Variants in PHKG2 observed in about 807,000 individuals in gnomAD.
The protein encoded by PHKG2 is phosphorylase b kinase gamma catalytic chain, liver/testis isoform.
A neutral mutation model predicts 44.5 loss-of-function variants in PHKG2; 28 were observed. The ratio of observed to expected loss-of-function variants is 0.63; its 90% CI spans 0.47 to 0.86. PHKG2 has a LOEUF of 0.86. PHKG2 is among the 40% of genes least tolerant of loss of function. The pLI is 0.00. For missense variants in PHKG2, 498 were observed against 547.5 expected (o/e 0.91, Z 0.90); for synonymous variants, 220 against 211.2 (o/e 1.04, Z -0.36).
At position 30,758,500 on chromosome 16, in the gene PHKG2, G is replaced by A. The variant is rs745402254; in HGVS notation, c.*1403G>A. On this transcript the variant is annotated 3_prime_UTR_variant, in exon 10 of 10. Transcript: ENST00000563588. Reference sequence around the variant, plus strand: ...CCCATCATATAGGTTTTAAGCCACCGTCATTGGCTTTCTAATGATCATTTC... The same window carrying A: ...CCCATCATATAGGTTTTAAGCCACCATCATTGGCTTTCTAATGATCATTTC... 4 of 187,926 alleles carry A rather than the reference G, an allele frequency of 2.1e-5. No homozygotes were observed. The highest frequency in any genetic ancestry group is 9.1e-5 in the South Asian group (1 of 10,966). The allele number at this position is 187,926 out of a possible 1,614,324, so 11.6% of individuals were successfully genotyped here.
At chr16:30,750,652 C>T (rs1241018429) in intron 2 of PHKG2, among the ~76,000 whole-genome samples, 1 of 152,212 alleles carries the variant, frequency 6.6e-6, no homozygotes, top group South Asian at 2.1e-4. Context: ...GCACTAAGAT[C>T]TAATTTTCAG....
rs546197463 is a variant in PHKG2 at position 30,760,960 on chromosome 16, A to G, written c.*3863A>G. 23 of 612,610 alleles carry G rather than the reference A, an allele frequency of 3.8e-5. No individual in the cohort carries two copies. The South Asian group carries it at 4.4e-4, about 12-fold the overall frequency. The allele number at this position is 612,610 out of a possible 1,614,324, so 37.9% of individuals were successfully genotyped here. A position where few individuals can be genotyped will look rare whatever the true frequency, so the allele number is the denominator to read the frequency against. On this transcript the variant is annotated 3_prime_UTR_variant, in exon 10 of 10. Coordinates refer to ENST00000563588, the MANE Select transcript of PHKG2 (RefSeq NM_000294.3). ...GGCCCTCAGTGTCCCCCTCTGTACA[A>G]TACTCCTTAGCGGCCATGAGACTCC...
chr16:30,749,093 GCTGCTGC>G lies in PHKG2; in HGVS notation c.95+179_95+185del, dbSNP rs1567259507. Among the ~76,000 whole-genome samples, 13 of 50,632 alleles carry G rather than the reference GCTGCTGC, an allele frequency of 2.6e-4. 2 individuals carry two copies. Among genetic ancestry groups the G allele is most frequent in the African/African-American group, 6.1e-4 (9 of 14,732 alleles). 33.2% of individuals were successfully genotyped at this position (50,632 alleles called of 152,430 possible). ...TGGTGGTGGTGGTGGTGGTGGTGCT[GCTGCTGC>G]TGCTGCTGCTGGTGGTGCTGGTGCT... On this transcript the variant is annotated intron_variant, in intron 2 of 9. Transcript: ENST00000563588.
At chr16:30,753,179 T>C in intron 4 of PHKG2, 53 bp from the exon 5 acceptor site, 1 of 1,407,308 alleles carries the variant, frequency 7.1e-7, no homozygotes, top group Non-Finnish European at 1.0e-6. Context: ...TGGTCTGTTT[T>C]CTCAGCCCCC....
chr16:30,760,592 C>T lies in PHKG2; in HGVS notation c.*3495C>T. 1.3e-6 allele frequency: 2 copies of T among 1,560,132 alleles called. No individual in the cohort carries two copies. The highest frequency in any genetic ancestry group is 8.7e-7 in the Non-Finnish European group (1 of 1,151,384). On this transcript the variant is annotated 3_prime_UTR_variant, in exon 10 of 10. Transcript: ENST00000563588. ...TTTGCCAAGAGCTCTTCCCACGCCC[C>T]CCTCAGTCCCTACTCCCTCATCTCA...
chr16:30,757,303 C>T lies in PHKG2; in HGVS notation c.*206C>T. On this transcript the variant is annotated 3_prime_UTR_variant, in exon 10 of 10. Transcript: ENST00000563588. Reference sequence around the variant, plus strand: ...GAAGGGAGCCATTCTGAACGCCACGCCTGGCCCGGTCAGTGCTGCATGCAC... The same window carrying T: ...GAAGGGAGCCATTCTGAACGCCACGTCTGGCCCGGTCAGTGCTGCATGCAC... 1.3e-6 allele frequency: 2 copies of T among 1,536,950 alleles called. No homozygotes were observed. The highest frequency in any genetic ancestry group is 1.7e-6 in the Non-Finnish European group (2 of 1,149,388).
chr16:30,748,579 C>T (rs1273331705), intron 1 of PHKG2, 89 bp downstream of exon 1: 2 of 568,706 alleles, frequency 3.5e-6, no homozygotes, highest in Non-Finnish European at 6.3e-6. Flanking sequence ...GCCCCTTCCC[C>T]CTGCCTCCTG....
In PHKG2 at chr16:30,761,041, A is replaced by C. The variant is rs2053741313; in HGVS notation, c.*3944A>C. ...TCACACTGCCTCCTCTTTGGACTGGAGAGGCTGGAAAGCCAACTTCCAGTC... is the reference window on the plus strand; with the variant it reads ...TCACACTGCCTCCTCTTTGGACTGGCGAGGCTGGAAAGCCAACTTCCAGTC... On this transcript the variant is annotated 3_prime_UTR_variant, in exon 10 of 10. Transcript: ENST00000563588. 1.3e-6 allele frequency: 1 copy of C among 758,852 alleles called. No homozygotes were observed. The highest frequency in any genetic ancestry group is 2.7e-5 in the Admixed American group (1 of 36,374). 47.0% of individuals were successfully genotyped at this position (758,852 alleles called of 1,614,324 possible). A position where few individuals can be genotyped will look rare whatever the true frequency, so the allele number is the denominator to read the frequency against.
intron 4 of PHKG2, 73 bp from the exon 5 acceptor site, chr16:30,753,159 G>A (rs752165708): frequency 8.6e-7 from 1 of 1,169,124 alleles, no homozygotes. Flanking sequence ...ACAATATTTT[G>A]TATGAGCACT....
rs772844089 is a variant in PHKG2, at chr16:30,757,655, C to T, written c.*558C>T. On this transcript the variant is annotated 3_prime_UTR_variant, in exon 10 of 10. Transcript: ENST00000563588. ...TAGGCTCGGAGGACGTGGATGTGGCCTGCAGGGGCAGGGAAGAAGGGGCAG... is the reference window on the plus strand; with the variant it reads ...TAGGCTCGGAGGACGTGGATGTGGCTTGCAGGGGCAGGGAAGAAGGGGCAG... 14 of 1,609,438 alleles carry T rather than the reference C, an allele frequency of 8.7e-6. No individual in the cohort carries two copies. The highest frequency in any genetic ancestry group is 1.1e-5 in the Non-Finnish European group (13 of 1,176,790).
At position 30,753,285 on chromosome 16, in the gene PHKG2, A is replaced by C; in HGVS notation, c.380A>C (p.Glu127Ala). Residue 127 changes from glutamate (E) to alanine (A), a missense_variant, in exon 5 of 10, where the codon GAA (glutamate) becomes GCA (alanine). Physicochemically the swap from Glu to Ala is moderately radical, Grantham distance 107. Coordinates refer to ENST00000563588, the MANE Select transcript of PHKG2 (RefSeq NM_000294.3). ...DYLTEKVALS[E>A]KETRSIMRSL... Reference sequence around the variant, plus strand: ...CTCACAGAGAAGGTGGCCCTCTCTGAAAAGGAAACCAGGTAAGGGTTGAGC... The same window carrying C: ...CTCACAGAGAAGGTGGCCCTCTCTGCAAAGGAAACCAGGTAAGGGTTGAGC... 6.2e-7 allele frequency: 1 copy of C among 1,614,014 alleles called. No homozygotes were observed. Among genetic ancestry groups the C allele is most frequent in the Non-Finnish European group, 8.5e-7 (1 of 1,179,920 alleles).
chr16:30,755,297 T>C (rs2053402413), intron 6 of PHKG2: 1 of 172,914 alleles, frequency 5.8e-6, no homozygotes, highest in South Asian at 1.3e-4. Context: ...GGCTCTGGAC[T>C]TTAGAACTGT....
At position 30,757,296 on chromosome 16, in the gene PHKG2, C is replaced by T. The variant is rs1204600562; in HGVS notation, c.*199C>T. ...TGGGGTGGAAGGGAGCCATTCTGAACGCCACGCCTGGCCCGGTCAGTGCTG... is the reference window on the plus strand; with the variant it reads ...TGGGGTGGAAGGGAGCCATTCTGAATGCCACGCCTGGCCCGGTCAGTGCTG... On this transcript the variant is annotated 3_prime_UTR_variant, in exon 10 of 10. Transcript: ENST00000563588. 9.4e-5 allele frequency: 144 copies of T among 1,538,148 alleles called. 1 individual carries two copies. The Middle Eastern group carries it at 3.2e-3, about 34-fold the overall frequency.
rs11446774 is a variant in PHKG2, at chr16:30,753,040, A to AT, written c.327-191dup. 425,826 of 654,964 alleles carry AT rather than the reference A, an allele frequency of 0.65. 152,434 individuals carry two copies. Among genetic ancestry groups the AT allele is most frequent in the East Asian group, 0.91 (32,991 of 36,376 alleles). 40.6% of individuals were successfully genotyped at this position (654,964 alleles called of 1,614,324 possible). A position where few individuals can be genotyped will look rare whatever the true frequency, so the allele number is the denominator to read the frequency against. ...GCCATAATTGCCCCATCATGGCATAATGCAGGTATTTCAGCTGCCAACACA... is the reference window on the plus strand; with the variant it reads ...GCCATAATTGCCCCATCATGGCATAATTGCAGGTATTTCAGCTGCCAACACA... On this transcript the variant is annotated intron_variant, in intron 4 of 9. Coordinates refer to ENST00000563588, the MANE Select transcript of PHKG2 (RefSeq NM_000294.3).
Position 30,757,563 on chromosome 16 carries a change from G to T in PHKG2, c.*466G>T. On this transcript the variant is annotated 3_prime_UTR_variant, in exon 10 of 10. Transcript: ENST00000563588. ...ACTTGCTGCTGAGCCTTTCCTCGCTGGCCTTGAGCCGCTCCTCCACCAGCC... is the reference window on the plus strand; with the variant it reads ...ACTTGCTGCTGAGCCTTTCCTCGCTTGCCTTGAGCCGCTCCTCCACCAGCC... 1.9e-6 allele frequency: 3 copies of T among 1,614,228 alleles called. No homozygotes were observed. Among genetic ancestry groups the T allele is most frequent in the Non-Finnish European group, 2.5e-6 (3 of 1,180,046 alleles).
chr16:30,759,926 C>G lies in PHKG2; in HGVS notation c.*2829C>G. The G allele has an allele frequency of 6.9e-7, 1 of 1,439,410 alleles. No homozygotes were observed. The highest frequency in any genetic ancestry group is 1.5e-5 in the South Asian group (1 of 66,814). The allele number at this position is 1,439,410 out of a possible 1,614,324, so 89.2% of individuals were successfully genotyped here. A position where few individuals can be genotyped will look rare whatever the true frequency, so the allele number is the denominator to read the frequency against. On this transcript the variant is annotated 3_prime_UTR_variant, in exon 10 of 10. Coordinates refer to ENST00000563588, the MANE Select transcript of PHKG2 (RefSeq NM_000294.3). ...GGTTTTCGGCACTGAACAAGACAGA[C>G]AAGGTCCTGCCCTTACGAAGCTTAT...
In PHKG2 at chr16:30,760,516, A is replaced by G. The variant is rs577779107; in HGVS notation, c.*3419A>G. 6.2e-6 allele frequency: 10 copies of G among 1,610,278 alleles called. No individual in the cohort carries two copies. The African/African-American group carries it at 9.4e-5, about 15-fold the overall frequency. The stretch of plus-strand genomic sequence containing the variant: ...CCTTTCATCACCCTACACCCACCAC[A>G]TGCTTTGGAGTCAGCCATTCCTCAT... On this transcript the variant is annotated 3_prime_UTR_variant, in exon 10 of 10. Coordinates refer to ENST00000563588, the MANE Select transcript of PHKG2 (RefSeq NM_000294.3).
chr16:30,753,471 A>C lies in PHKG2; in HGVS notation c.470A>C (p.Glu157Ala), dbSNP rs1567261924. The C allele has an allele frequency of 6.2e-7, 1 of 1,614,140 alleles. No individual in the cohort carries two copies. Among genetic ancestry groups the C allele is most frequent in the Admixed American group, 1.7e-5 (1 of 60,026 alleles). ...ATTGTGCATCGAGATCTGAAGCCCG[A>C]GAATATTCTCCTAGATGACAATATG... ...NNIVHRDLKPENILLDDNMQI... is the reference protein window; with the variant it reads ...NNIVHRDLKPANILLDDNMQI... Residue 157 changes from glutamate to alanine, a missense_variant, in exon 6 of 10, where the codon GAG becomes GCG. Physicochemically the swap from Glu to Ala is moderately radical, Grantham distance 107. Coordinates refer to ENST00000563588, the MANE Select transcript of PHKG2 (RefSeq NM_000294.3).
rs1431951024 is a variant in PHKG2 at position 30,751,170 on chromosome 16, A to G, written c.160A>G (p.Ile54Val). 6.2e-7 allele frequency: 1 copy of G among 1,614,026 alleles called. No homozygotes were observed. The highest frequency in any genetic ancestry group is 8.5e-7 in the Non-Finnish European group (1 of 1,180,036). ...TACTGGCCACGAGTTTGCGGTGAAG[A>G]TTATGGAAGTGACAGCTGAGCGGCT... is the stretch of plus-strand genomic sequence containing the variant. ...RATGHEFAVK[I>V]MEVTAERLSP... The change falls in exon 3 of 10, where the codon ATT (isoleucine) becomes GTT (valine). Residue 54 changes from isoleucine (I) to valine (V), a missense_variant. Physicochemically the swap from Ile to Val is conservative, Grantham distance 29. Transcript: ENST00000563588.
Sources: allele counts gnomAD v4.1 joint callset (sites outside exome capture counted in the v4.1 genomes callset), GRCh38; gene constraint gnomAD v4.1.1; transcripts MANE v1.5; gene names NCBI Gene and HGNC (gene_info 2026-07-23, HGNC 2026-07-21).